PAOX: variants seen among roughly 807,000 people sequenced by gnomAD.
PAOX encodes the protein polyamine oxidase, also known as peroxisomal N(1)-acetyl-spermine/spermidine oxidase.
A neutral mutation model predicts 39.0 loss-of-function variants in PAOX; 38 were observed. That is an observed-to-expected ratio of 0.97 (90% CI 0.75 to 1.28). The LOEUF is 1.28. Ranked by LOEUF, PAOX falls within the 50% of genes most tolerant of loss-of-function variation. The probability of loss-of-function intolerance (pLI) is 0.00; values close to 1 mark genes in which losing one functional copy is unlikely to be tolerated. For missense variants in PAOX, 667 were observed against 685.7 expected, an observed-to-expected ratio of 0.97 and a Z score of 0.30; for synonymous variants, 311 against 314.4, an observed-to-expected ratio of 0.99 and a Z score of 0.11.
chr10:133,380,539 C>A (rs1849337879), intron 2 of PAOX, 54 bp downstream of exon 2: 1 of 1,523,456 alleles, frequency 6.6e-7, no homozygotes, highest in African/African-American at 1.4e-5. Context: ...CCCCAGGGCA[C>A]CGGGGCTGGC....
At chr10:133,379,565 T>C (rs1360544657) in intron 1 of PAOX, 68 bp downstream of exon 1, 3 of 1,180,644 alleles carry the variant, frequency 2.5e-6, no homozygotes, top group Admixed American at 8.4e-5. Flanking sequence ...GGCCCCAACC[T>C]GCCCTGCGCG....
At chr10:133,390,487 C>T (rs2133480186) in intron 6 of PAOX, among the ~76,000 whole-genome samples, 1 of 152,174 alleles carries the variant, frequency 6.6e-6, no homozygotes. Context: ...GTCCCAGCTG[C>T]TCAGGCTTGG....
At chr10:133,386,353 T>A (rs1849532216) in intron 4 of PAOX, among the ~76,000 whole-genome samples, 1 of 152,038 alleles carries the variant, frequency 6.6e-6, no homozygotes, top group African/African-American at 2.4e-5. Flanking sequence ...AGTGTTACAC[T>A]TAATAGAAGA....
Position 133,384,224 on chromosome 10 carries a change from C to G in PAOX, c.1121+12C>G, listed in dbSNP as rs1011224912. On this transcript the variant is annotated intron_variant, in intron 4 of 6. Coordinates refer to ENST00000278060, the MANE Select transcript of PAOX (RefSeq NM_152911.4). This position sits in a 1 kb window ranked among gnomAD's most constrained non-coding sequence, Gnocchi z 4.3. Reference sequence around the variant, plus strand: ...CTGCCTGCCTTTGCGTACGTTTGCTCCCTGAGAAGTTCTGCGAGTGGCTGG... The same window carrying G: ...CTGCCTGCCTTTGCGTACGTTTGCTGCCTGAGAAGTTCTGCGAGTGGCTGG... 2 of 1,610,516 alleles carry G rather than the reference C, an allele frequency of 1.2e-6. No individual in the cohort carries two copies. Among genetic ancestry groups the G allele is most frequent in the Non-Finnish European group, 8.5e-7 (1 of 1,177,950 alleles).
rs755246292 is a variant in PAOX at position 133,391,267 on chromosome 10, C to T, written c.1393-45C>T. ...TCTGTGTTTCCTTGCCCAGACCCTG[C>T]TGTCTGAATTGCATCCCCATTCTAA... On this transcript the variant is annotated intron_variant, in intron 6 of 6. Transcript: ENST00000278060. 39 of 1,576,560 alleles carry T rather than the reference C, an allele frequency of 2.5e-5. No homozygotes were observed. The Admixed American group carries it at 6.2e-4, about 25-fold the overall frequency.
Position 133,385,825 on chromosome 10 carries a change from C to T in PAOX, c.1121+1613C>T, listed in dbSNP as rs897965877. On this transcript the variant is annotated intron_variant, in intron 4 of 6. Transcript: ENST00000278060. Reference sequence around the variant, plus strand: ...GTCTCGATCTCCTGACCTCGTGATCCGCCCGCCTCGGCCTCCCAAAGTGCT... The same window carrying T: ...GTCTCGATCTCCTGACCTCGTGATCTGCCCGCCTCGGCCTCCCAAAGTGCT... Among the ~76,000 whole-genome samples, 18 of 152,092 alleles carry T rather than the reference C, an allele frequency of 1.2e-4. No individual in the cohort carries two copies. In the East Asian group the frequency reaches 2.5e-3, roughly 21 times the overall value.
At position 133,379,374 on chromosome 10, in the gene PAOX, G is replaced by C; in HGVS notation, c.58G>C (p.Gly20Arg). The change falls in exon 1 of 7, where the codon GGC becomes CGC. Residue 20 changes from glycine (G) to arginine (R), a missense_variant. By Grantham distance (125) the Gly-to-Arg change is moderately radical (BLOSUM62 -2). Transcript: ENST00000278060. ...APGGPRVLVV[G>R]GGIAGLGAAQ... ...GGGCGGACCCCGGGTGCTGGTGGTG[G>C]GCGGCGGCATCGCGGGGCTGGGCGC... 8.2e-7 allele frequency: 1 copy of C among 1,220,452 alleles called. No individual in the cohort carries two copies. The highest frequency in any genetic ancestry group is 1.0e-6 in the Non-Finnish European group (1 of 980,856). 75.6% of individuals were successfully genotyped at this position (1,220,452 alleles called of 1,614,324 possible).
At chr10:133,390,528 G>C (rs966120993) in intron 6 of PAOX, among the ~76,000 whole-genome samples, 1 of 152,080 alleles carries the variant, frequency 6.6e-6, no homozygotes, top group African/African-American at 2.4e-5. Context: ...AGTAAGCTAT[G>C]ACTGCACCAC....
At chr10:133,391,276 T>C in intron 6 of PAOX, 36 bp from the exon 7 acceptor site, 1 of 1,596,860 alleles carries the variant, frequency 6.3e-7, no homozygotes, top group Non-Finnish European at 8.6e-7. Context: ...GCTGTCTGAA[T>C]TGCATCCCCA....
chr10:133,381,001 T>G (rs1849353466), intron 2 of PAOX, among the ~76,000 whole-genome samples: 1 of 151,858 alleles, frequency 6.6e-6, no homozygotes, highest in Non-Finnish European at 1.5e-5. Flanking sequence ...AGAAGAAGAG[T>G]AAAGACTTCT....
Position 133,384,108 on chromosome 10 carries a change from C to T in PAOX, c.1017C>T (p.Ile339=). The T allele has an allele frequency of 6.2e-7, 1 of 1,614,182 alleles. No homozygotes were observed. The highest frequency in any genetic ancestry group is 1.1e-5 in the South Asian group (1 of 91,078). ...TCTGGGAGCCAGACTGCCAGCTGAT[C>T]CAGCTGGTGTGGGAGGACACGTCGC... The part of the protein sequence containing the change: ...EPFWEPDCQL[I]QLVWEDTSPL... Residue 339 remains isoleucine (I), a synonymous_variant, in exon 4 of 7, where the codon ATC becomes ATT. Transcript: ENST00000278060. The surrounding 1 kb of genome is among the most constrained non-coding windows in gnomAD (Gnocchi z 4.3).
chr10:133,390,869 C>T (rs1442319415), intron 6 of PAOX: 4 of 400,854 alleles, frequency 1.0e-5, no homozygotes, highest in African/African-American at 8.4e-5. Context: ...GAGGCCAGAT[C>T]ACTATTCAGT....
chr10:133,391,527 A>G lies in PAOX; in HGVS notation c.*72A>G, dbSNP rs1394172639. On this transcript the variant is annotated 3_prime_UTR_variant, in exon 7 of 7. Transcript: ENST00000278060. ...ACCCTCATTTCTTCTGACAGATTTC[A>G]GTCTGGCTTGAAATTTGGGGATGTT... 1 of 1,522,066 alleles carries G rather than the reference A, an allele frequency of 6.6e-7. No homozygotes were observed. The highest frequency in any genetic ancestry group is 8.8e-7 in the Non-Finnish European group (1 of 1,137,582). The allele number at this position is 1,522,066 out of a possible 1,614,324, so 94.3% of individuals were successfully genotyped here.
chr10:133,379,320 G>T lies in PAOX; in HGVS notation c.4G>T (p.Glu2Ter), dbSNP rs1849281709. The T allele has an allele frequency of 6.6e-6, 8 of 1,217,066 alleles. No homozygotes were observed. The highest frequency in any genetic ancestry group is 8.2e-6 in the Non-Finnish European group (8 of 978,840). 75.4% of individuals were successfully genotyped at this position (1,217,066 alleles called of 1,614,324 possible). A position where few individuals can be genotyped will look rare whatever the true frequency, so the allele number is the denominator to read the frequency against. The change falls in exon 1 of 7, where the codon GAG becomes TAG. Residue 2 changes from glutamate (E) to a stop codon, truncating the protein, a stop_gained. Transcript: ENST00000278060. LOFTEE classifies it high-confidence loss of function. The part of the protein sequence containing the change: M[E>*]STGSVGEAPG... The stretch of plus-strand genomic sequence containing the variant: ...CTCGGACTGCCCGGACCGCGCGATG[G>T]AGTCGACCGGCAGCGTCGGGGAGGC...
intron 2 of PAOX, 56 bp downstream of exon 2, chr10:133,380,541 G>A (rs1346661681): frequency 4.0e-6 from 6 of 1,518,864 alleles, no homozygotes; most frequent in Admixed American, 3.9e-5. Context: ...CCAGGGCACC[G>A]GGGCTGGCTG....
intron 6 of PAOX, among the ~76,000 whole-genome samples, chr10:133,390,637 A>C (rs967972579): frequency 6.6e-6 from 1 of 152,190 alleles, no homozygotes; most frequent in African/African-American, 2.4e-5. Flanking sequence ...AAAATTAATA[A>C]TCATTCCTCA....
chr10:133,380,112 A>G lies in PAOX; in HGVS notation c.295A>G (p.Asn99Asp). Residue 99 changes from asparagine to aspartate, a missense_variant, in exon 2 of 7, where the codon AAC becomes GAC. Physicochemically the swap from Asn to Asp is conservative, Grantham distance 23. Coordinates refer to ENST00000278060, the MANE Select transcript of PAOX (RefSeq NM_152911.4). ...GGGGGAGAAGGAGCTGTCCCAGGAG[A>G]ACCAGCTGGTGGAGACCGGGGGTCA... ...LLGEKELSQE[N>D]QLVETGGHVG... 3 of 1,570,284 alleles carry G rather than the reference A, an allele frequency of 1.9e-6. No homozygotes were observed. Among genetic ancestry groups the G allele is most frequent in the Non-Finnish European group, 2.6e-6 (3 of 1,157,750 alleles).
chr10:133,390,887 C>T (rs1849657751), intron 6 of PAOX: 3 of 431,796 alleles, frequency 6.9e-6, no homozygotes, highest in Middle Eastern at 4.8e-4. Flanking sequence ...AGTGTTTACA[C>T]CCCTTGTTTT....
intron 1 of PAOX, 84 bp downstream of exon 1, chr10:133,379,581 G>C: frequency 9.0e-7 from 1 of 1,114,412 alleles, no homozygotes; most frequent in Non-Finnish European, 1.1e-6. Context: ...GCGCGCAGCC[G>C]ACCTGCCCGG....
Sources: gnomAD v4.1 joint callset for allele counts (sites outside exome capture counted in the v4.1 genomes callset) on GRCh38, gnomAD v4.1.1 for gene constraint, Gnocchi (gnomAD v3.1) non-coding constraint, MANE v1.5 for transcripts, NCBI Gene and HGNC (gene_info 2026-07-23, HGNC 2026-07-21) for gene names.